Variants in RYR2 observed in about 807,000 individuals in gnomAD.
The protein encoded by RYR2 is cardiac muscle ryanodine receptor-calcium release channel.
A neutral mutation model predicts 601.1 loss-of-function variants in RYR2; 227 were observed. That is an observed-to-expected ratio of 0.38 (90% confidence interval 0.34 to 0.42). RYR2 has a LOEUF of 0.42. RYR2 is among the 10% of genes least tolerant of loss of function. The probability of loss-of-function intolerance (pLI) is 1.00; values close to 1 mark genes in which losing one functional copy is unlikely to be tolerated. For synonymous variants in RYR2, 2,223 were observed against 2,175.1 expected (o/e 1.02, Z -0.61); for missense variants, 4,646 against 6,156.5 (o/e 0.75, Z 8.21).
At chr1:237,633,830 C>T in intron 43 of RYR2, 120 bp downstream of exon 43, 1 of 1,011,362 alleles carries the variant, frequency 9.9e-7, no homozygotes, top group Admixed American at 3.0e-5. Flanking sequence ...CAAAAGAAGA[C>T]AGATAGTTGG....
At position 237,819,329 on chromosome 1, in the gene RYR2, T is replaced by C; in HGVS notation, c.14590+137T>C. On this transcript the variant is annotated intron_variant, in intron 101 of 104. Transcript: ENST00000366574. The surrounding 1 kb of genome is among the most constrained non-coding windows in gnomAD (Gnocchi z 4.0). ...ATCAAACTTTTCCTTCCAGTATTTC[T>C]TCATCATGCAATCTACCGGGGGAAA... is the stretch of plus-strand genomic sequence containing the variant. 1 of 785,796 alleles carries C rather than the reference T, an allele frequency of 1.3e-6. No individual in the cohort carries two copies. Among genetic ancestry groups the C allele is most frequent in the Non-Finnish European group, 2.1e-6 (1 of 477,732 alleles). The allele number at this position is 785,796 out of a possible 1,614,324, so 48.7% of individuals were successfully genotyped here. A position where few individuals can be genotyped will look rare whatever the true frequency, so the allele number is the denominator to read the frequency against.
At chr1:237,424,055 A>G (rs1170398285) in intron 12 of RYR2, among the ~76,000 whole-genome samples, 1 of 152,070 alleles carries the variant, frequency 6.6e-6, no homozygotes. Context: ...ACGAGAACTC[A>G]CTCACTGTCA....
At chr1:237,341,760 C>G (rs556008526) in intron 3 of RYR2, 3 of 450,024 alleles carry the variant, frequency 6.7e-6, no homozygotes, top group South Asian at 4.7e-5. Flanking sequence ...CAGTTTTGAA[C>G]ATATGATAGA....
At chr1:237,442,927 G>A (rs968522920) in intron 13 of RYR2, among the ~76,000 whole-genome samples, 2 of 152,236 alleles carry the variant, frequency 1.3e-5, no homozygotes, top group Middle Eastern at 3.4e-3. Context: ...TTTTAAAAAC[G>A]CACACTTAAA....
intron 1 of RYR2, among the ~76,000 whole-genome samples, chr1:237,235,590 G>C (rs1309433223): frequency 6.6e-6 from 1 of 152,110 alleles, no homozygotes; most frequent in African/African-American, 2.4e-5. Flanking sequence ...CTTTTTGTCT[G>C]GTTTTCCAAA....
At chr1:237,243,545 G>T (rs1686446380) in intron 1 of RYR2, among the ~76,000 whole-genome samples, 1 of 152,158 alleles carries the variant, frequency 6.6e-6, no homozygotes, top group Non-Finnish European at 1.5e-5. Context: ...CACATGTTCA[G>T]CTATCCAGAA....
intron 3 of RYR2, among the ~76,000 whole-genome samples, chr1:237,343,082 G>A (rs1192705318): frequency 6.6e-6 from 1 of 152,108 alleles, no homozygotes; most frequent in Non-Finnish European, 1.5e-5. Context: ...GTGGCTAATA[G>A]CCATAGCCAG....
intron 1 of RYR2, among the ~76,000 whole-genome samples, chr1:237,044,780 C>T (rs12134731): frequency 9.0e-6 from 1 of 110,806 alleles, no homozygotes; most frequent in African/African-American, 2.7e-5. Flanking sequence ...CCCTCCCCCA[C>T]CCCCCTTTTT....
chr1:237,158,492 C>A (rs1675642450), intron 1 of RYR2, among the ~76,000 whole-genome samples: 1 of 152,110 alleles, frequency 6.6e-6, no homozygotes, highest in Non-Finnish European at 1.5e-5. Context: ...GTGATGTTTT[C>A]CTCATTAGAC....
chr1:237,081,474 C>G (rs2997486), intron 1 of RYR2, among the ~76,000 whole-genome samples: 82,773 of 150,056 alleles, frequency 0.55, 27,435 homozygotes, highest in Non-Finnish European at 0.74. Flanking sequence ...CCCTGTCTTT[C>G]TTTATATATG....
chr1:237,122,449 A>G (rs1670896830), intron 1 of RYR2, among the ~76,000 whole-genome samples: 1 of 152,210 alleles, frequency 6.6e-6, no homozygotes, highest in African/African-American at 2.4e-5. Flanking sequence ...TGGGAGGTCG[A>G]GGCGGGGGGA....
intron 1 of RYR2, among the ~76,000 whole-genome samples, chr1:237,132,121 G>A (rs1251152584): frequency 6.6e-6 from 1 of 152,206 alleles, no homozygotes; most frequent in Non-Finnish European, 1.5e-5. Context: ...AATTTCTGAA[G>A]CAACATTGTA....
At chr1:237,364,810 T>C (rs1700064542) in intron 5 of RYR2, among the ~76,000 whole-genome samples, 1 of 152,180 alleles carries the variant, frequency 6.6e-6, no homozygotes, top group Admixed American at 6.5e-5. Context: ...TTTGCATTTA[T>C]GCCCTTTTGC....
chr1:237,793,807 GACC>G (rs1658746632), intron 94 of RYR2, 57 bp from the exon 95 acceptor site: 7 of 1,329,126 alleles, frequency 5.3e-6, no homozygotes, highest in South Asian at 1.3e-5. Flanking sequence ...TAAAGATAGT[GACC>G]ACAAGATATG....
At chr1:237,094,769 T>C (rs1253680322) in intron 1 of RYR2, among the ~76,000 whole-genome samples, 5 of 152,150 alleles carry the variant, frequency 3.3e-5, no homozygotes, top group Non-Finnish European at 7.3e-5. Flanking sequence ...TTTTTTGTAT[T>C]TTCGGTAGAG....
At chr1:237,322,179 A>C (rs116553681) in intron 2 of RYR2, among the ~76,000 whole-genome samples, 5,272 of 152,306 alleles carry the variant, frequency 0.035, 275 homozygotes, top group Admixed American at 0.16. Flanking sequence ...AGAATGAGAC[A>C]CCTGCAAACA....
chr1:237,596,324 A>G (rs115978575), intron 34 of RYR2, among the ~76,000 whole-genome samples: 1 of 152,232 alleles, frequency 6.6e-6, no homozygotes, highest in South Asian at 2.1e-4. Context: ...CATGATCTGA[A>G]TGAGATATTC....
intron 38 of RYR2, among the ~76,000 whole-genome samples, chr1:237,620,354 G>A (rs1678937926): frequency 1.4e-5 from 1 of 71,110 alleles, no homozygotes; most frequent in Admixed American, 1.7e-4. Flanking sequence ...ACACTGAGAA[G>A]TACCACAGAT....
intron 1 of RYR2, among the ~76,000 whole-genome samples, chr1:237,198,249 T>C (rs1378004733): frequency 6.6e-6 from 1 of 152,210 alleles, no homozygotes; most frequent in Non-Finnish European, 1.5e-5. Context: ...AATACAGTTT[T>C]ATTACTGCAG....
Sources: allele counts gnomAD v4.1 joint callset (sites outside exome capture counted in the v4.1 genomes callset), GRCh38; gene constraint gnomAD v4.1.1; non-coding constraint Gnocchi (gnomAD v3.1); transcripts MANE v1.5; gene names NCBI Gene and HGNC (gene_info 2026-07-23, HGNC 2026-07-21).